Variants in CDH1 observed in about 807,000 individuals in gnomAD.
The protein encoded by CDH1 is cadherin 1, also known as cadherin-1.
A neutral mutation model predicts 84.5 loss-of-function variants in CDH1; 35 were observed. The ratio of observed to expected loss-of-function variants is 0.41; its 90% CI spans 0.32 to 0.55. The LOEUF is 0.55. CDH1 is among the 20% of genes least tolerant of loss of function. CDH1 has a pLI of 0.19. For synonymous variants in CDH1, 417 were observed against 439.0 expected, an observed-to-expected ratio of 0.95 and a Z score of 0.63; for missense variants, 994 against 1,126.6, an observed-to-expected ratio of 0.88 and a Z score of 1.68.
At position 68,754,133 on chromosome 16, in the gene CDH1, A is replaced by T. The variant is rs1040717943; in HGVS notation, c.163+15722A>T. On this transcript the variant is annotated intron_variant, in intron 2 of 15. Coordinates refer to ENST00000261769, the MANE Select transcript of CDH1 (RefSeq NM_004360.5). ...TTCTGTCTCAAAAAAAAAAAAAAAA[A>T]ATTATTCGGCAGGGCACAGTGGCTC... Among the ~76,000 whole-genome samples the T allele has an allele frequency of 4.8e-4, 71 of 148,970 alleles. 1 individual carries two copies. The East Asian group carries it at 0.011, about 23-fold the overall frequency.
chr16:68,802,013 C>T, intron 3 of CDH1, 120 bp downstream of exon 3: 2 of 816,218 alleles, frequency 2.5e-6, no homozygotes, highest in South Asian at 1.4e-5. Context: ...AGGGGTTGTC[C>T]TGTGCACTGT....
In CDH1 at chr16:68,833,272, T is replaced by C. The variant is rs773215346; in HGVS notation, c.2440-18T>C. ...CCCTTCCTTTCACTAAAAGATGCTT[T>C]TGTCCCTTCTTCTTTAGAATCTGAA... On this transcript the variant is annotated intron_variant, in intron 15 of 15. Transcript: ENST00000261769. The C allele has an allele frequency of 1.2e-6, 2 of 1,609,950 alleles. No individual in the cohort carries two copies. Among genetic ancestry groups the C allele is most frequent in the Non-Finnish European group, 1.7e-6 (2 of 1,176,208 alleles).
At chr16:68,767,649 T>C (rs1216283072) in intron 2 of CDH1, among the ~76,000 whole-genome samples, 2 of 152,222 alleles carry the variant, frequency 1.3e-5, no homozygotes, top group African/African-American at 4.8e-5. Flanking sequence ...GTTGTTATTG[T>C]TGTTTGTTTG....
intron 13 of CDH1, among the ~76,000 whole-genome samples, chr16:68,825,441 T>C (rs1196460699): frequency 6.6e-6 from 1 of 152,142 alleles, no homozygotes; most frequent in Non-Finnish European, 1.5e-5. Flanking sequence ...GGGTTTTCAA[T>C]TTAGATTGAG....
At chr16:68,774,084 T>C (rs1959660114) in intron 2 of CDH1, among the ~76,000 whole-genome samples, 1 of 152,070 alleles carries the variant, frequency 6.6e-6, no homozygotes, top group South Asian at 2.1e-4. Flanking sequence ...TCTGGCTAAT[T>C]TTAAATTTTT....
intron 2 of CDH1, among the ~76,000 whole-genome samples, chr16:68,791,571 C>T (rs529566014): frequency 1.6e-4 from 25 of 152,082 alleles, no homozygotes; most frequent in African/African-American, 4.3e-4. Context: ...TATAGACACG[C>T]GCCACCACAC....
At chr16:68,805,743 C>T (rs1176076671) in intron 3 of CDH1, among the ~76,000 whole-genome samples, 1 of 151,864 alleles carries the variant, frequency 6.6e-6, no homozygotes, top group Admixed American at 6.6e-5. Flanking sequence ...TACAGGTGTG[C>T]ACCACCACAC....
intron 15 of CDH1, among the ~76,000 whole-genome samples, chr16:68,831,821 G>A (rs1961491904): frequency 6.6e-6 from 1 of 152,098 alleles, no homozygotes; most frequent in Non-Finnish European, 1.5e-5. Context: ...TTATGGGTGT[G>A]AGCCACCGCT....
chr16:68,792,544 C>T (rs995647789), intron 2 of CDH1, among the ~76,000 whole-genome samples: 7 of 152,158 alleles, frequency 4.6e-5, no homozygotes, highest in African/African-American at 1.7e-4. Context: ...TTAATCAATT[C>T]CAGAAGCGCC....
intron 2 of CDH1, among the ~76,000 whole-genome samples, chr16:68,787,312 G>A: frequency 6.6e-6 from 1 of 152,102 alleles, no homozygotes; most frequent in Admixed American, 6.6e-5. Flanking sequence ...CTGTGACCTT[G>A]ACAAGGCCCT....
chr16:68,815,866 C>G (rs952622928), intron 10 of CDH1, 107 bp downstream of exon 10: 1 of 1,287,814 alleles, frequency 7.8e-7, no homozygotes, highest in Admixed American at 1.8e-5. Flanking sequence ...TTTGTCTGTA[C>G]AAGACCATTC....
At chr16:68,792,466 G>C (rs1960233922) in intron 2 of CDH1, among the ~76,000 whole-genome samples, 1 of 152,160 alleles carries the variant, frequency 6.6e-6, no homozygotes, top group Non-Finnish European at 1.5e-5. Flanking sequence ...CTGACCTCAA[G>C]TGTTCCACCC....
Position 68,833,908 on chromosome 16 carries a change from T to A in CDH1, c.*409T>A, listed in dbSNP as rs778711236. The A allele has an allele frequency of 1.3e-4, 42 of 335,526 alleles. No individual in the cohort carries two copies. The highest frequency in any genetic ancestry group is 8.7e-4 in the Middle Eastern group (1 of 1,150). 20.8% of individuals were successfully genotyped at this position (335,526 alleles called of 1,614,324 possible). Reference sequence around the variant, plus strand: ...CTGTTGTTTTGTGTATATAATTTTTTAAAAAAAATTTGTGTGCTTCTGCTC... The same window carrying A: ...CTGTTGTTTTGTGTATATAATTTTTAAAAAAAAATTTGTGTGCTTCTGCTC... On this transcript the variant is annotated 3_prime_UTR_variant, in exon 16 of 16. Coordinates refer to ENST00000261769, the MANE Select transcript of CDH1 (RefSeq NM_004360.5).
At chr16:68,758,541 T>C (rs1200173493) in intron 2 of CDH1, among the ~76,000 whole-genome samples, 1 of 151,686 alleles carries the variant, frequency 6.6e-6, no homozygotes, top group Non-Finnish European at 1.5e-5. Flanking sequence ...TGCATGCTGA[T>C]TGTGCCCGTG....
chr16:68,819,192 C>T lies in CDH1; in HGVS notation c.1566-88C>T, dbSNP rs34811340. ...TTCAAAATAAAAACGTTGGAAGTAA[C>T]CATATAACTGAAGAAGCGCTTAAGC... On this transcript the variant is annotated intron_variant, in intron 10 of 15. Transcript: ENST00000261769. 7.1e-5 allele frequency: 103 copies of T among 1,446,486 alleles called. No individual in the cohort carries two copies. The African/African-American group carries it at 1.3e-3, about 18-fold the overall frequency. The allele number at this position is 1,446,486 out of a possible 1,614,324, so 89.6% of individuals were successfully genotyped here. A position where few individuals can be genotyped will look rare whatever the true frequency, so the allele number is the denominator to read the frequency against.
Position 68,750,150 on chromosome 16 carries a change from C to CTTTTT in CDH1, c.163+11745_163+11749dup, listed in dbSNP as rs34551002. The stretch of plus-strand genomic sequence containing the variant: ...TTTTGATTGTGATGCTAGAATTCAG[C>CTTTTT]TTTTTTTTTTGCCTTTGGAAGGCCT... On this transcript the variant is annotated intron_variant, in intron 2 of 15. Coordinates refer to ENST00000261769, the MANE Select transcript of CDH1 (RefSeq NM_004360.5). Among the ~76,000 whole-genome samples, 105 of 79,164 alleles carry CTTTTT rather than the reference C, an allele frequency of 1.3e-3. 4 individuals are homozygous for CTTTTT. Among genetic ancestry groups the CTTTTT allele is most frequent in the Middle Eastern group, 0.012 (1 of 82 alleles). The allele number at this position is 79,164 out of a possible 152,430, so 51.9% of individuals were successfully genotyped here.
intron 2 of CDH1, among the ~76,000 whole-genome samples, chr16:68,766,866 T>A (rs369485275): frequency 3.2e-4 from 49 of 152,108 alleles, no homozygotes; most frequent in African/African-American, 1.2e-3. Flanking sequence ...TAGCTGGGAT[T>A]ACAGGCACCC....
chr16:68,787,615 A>G (rs547207077), intron 2 of CDH1, among the ~76,000 whole-genome samples: 16 of 151,462 alleles, frequency 1.1e-4, no homozygotes, highest in African/African-American at 3.9e-4. Flanking sequence ...AAGTGCTGGG[A>G]TTACAGGTGT....
intron 2 of CDH1, among the ~76,000 whole-genome samples, chr16:68,757,921 C>G (rs1478939888): frequency 2.0e-5 from 3 of 151,530 alleles, no homozygotes; most frequent in South Asian, 2.1e-4. Flanking sequence ...ACCTCAGCCT[C>G]CCAAGTAGCT....
Sources: gnomAD v4.1 joint callset for allele counts (sites outside exome capture counted in the v4.1 genomes callset) on GRCh38, gnomAD v4.1.1 for gene constraint, MANE v1.5 for transcripts, NCBI Gene and HGNC (gene_info 2026-07-23, HGNC 2026-07-21) for gene names.